VPS13B: variants seen among roughly 807,000 people sequenced by gnomAD.
VPS13B encodes intermembrane lipid transfer protein VPS13B.
In VPS13B, 285 loss-of-function variants were observed where a neutral mutation model predicts 426.4. The ratio of observed to expected loss-of-function variants is 0.67; its 90% CI spans 0.61 to 0.74. The LOEUF (loss-of-function observed/expected upper bound fraction) is 0.74. Ranked by LOEUF, VPS13B falls within the 30% of genes least tolerant of loss-of-function variation. The pLI is 0.00. For synonymous variants in VPS13B, 1,676 were observed against 1,676.4 expected, an observed-to-expected ratio of 1.00 and a Z score of 0.01; for missense variants, 4,537 against 4,782.6, an observed-to-expected ratio of 0.95 and a Z score of 1.51.
chr8:99,506,018 A>G (rs1448649861), intron 27 of VPS13B, among the ~76,000 whole-genome samples: 1 of 152,158 alleles, frequency 6.6e-6, no homozygotes, highest in African/African-American at 2.4e-5. Flanking sequence ...AATCTTACAT[A>G]ATTTATTTTC....
chr8:99,226,368 C>A (rs1816019154), intron 17 of VPS13B, among the ~76,000 whole-genome samples: 1 of 152,118 alleles, frequency 6.6e-6, no homozygotes, highest in South Asian at 2.1e-4. Context: ...TTTAAGTTCC[C>A]AGAGTGTGCT....
chr8:99,575,840 G>A (rs1825749125), intron 32 of VPS13B, 56 bp downstream of exon 32: 3 of 1,564,214 alleles, frequency 1.9e-6, no homozygotes, highest in Non-Finnish European at 2.6e-6. Context: ...GCTCCTCTTT[G>A]TATGTTAGGG....
chr8:99,088,259 A>G (rs1402299286), intron 3 of VPS13B, among the ~76,000 whole-genome samples: 1 of 151,828 alleles, frequency 6.6e-6, no homozygotes, highest in Non-Finnish European at 1.5e-5. Context: ...TCAATTGGTA[A>G]TTTCCTGGGT....
chr8:99,467,088 T>C (rs1333330679), intron 23 of VPS13B, among the ~76,000 whole-genome samples: 1 of 152,204 alleles, frequency 6.6e-6, no homozygotes, highest in Non-Finnish European at 1.5e-5. Flanking sequence ...ATCTGTTTTC[T>C]CTGGCCTCCA....
chr8:99,687,507 G>C (rs79840876), intron 35 of VPS13B, among the ~76,000 whole-genome samples: 6 of 152,094 alleles, frequency 3.9e-5, no homozygotes, highest in Non-Finnish European at 8.8e-5. Flanking sequence ...CAGAACTCAG[G>C]TTCTGCCCAC....
chr8:99,742,236 A>G (rs1220203506), intron 39 of VPS13B, among the ~76,000 whole-genome samples: 2 of 152,242 alleles, frequency 1.3e-5, no homozygotes, highest in Admixed American at 6.5e-5. Context: ...AGAAATGGAT[A>G]AATTCCTCGA....
chr8:99,215,528 A>T (rs147450085), intron 17 of VPS13B, among the ~76,000 whole-genome samples: 1 of 152,210 alleles, frequency 6.6e-6, no homozygotes, highest in Non-Finnish European at 1.5e-5. Flanking sequence ...AAGGATACAT[A>T]CTTGGGTCAT....
intron 12 of VPS13B, among the ~76,000 whole-genome samples, chr8:99,140,259 G>T (rs988164777): frequency 3.3e-5 from 5 of 151,602 alleles, no homozygotes. Context: ...CAGCTACTTG[G>T]GAGGCTGAGG....
chr8:99,761,700 A>C (rs1321185154), intron 39 of VPS13B, among the ~76,000 whole-genome samples: 1 of 152,152 alleles, frequency 6.6e-6, no homozygotes, highest in Non-Finnish European at 1.5e-5. Context: ...ATATTCCGTT[A>C]TTTGTATTAC....
chr8:99,149,819 T>C (rs982257004), intron 14 of VPS13B, among the ~76,000 whole-genome samples: 6 of 152,028 alleles, frequency 3.9e-5, no homozygotes, highest in Non-Finnish European at 8.8e-5. Context: ...TAGATTCTCA[T>C]AGGAGCACAA....
intron 12 of VPS13B, among the ~76,000 whole-genome samples, chr8:99,141,907 G>T (rs1193665246): frequency 6.7e-6 from 1 of 149,014 alleles, no homozygotes; most frequent in Non-Finnish European, 1.5e-5. Context: ...AACAAAATTA[G>T]CCGGGCGTGG....
intron 15 of VPS13B, among the ~76,000 whole-genome samples, chr8:99,157,274 GTTT>G (rs201990551): frequency 8.7e-5 from 12 of 137,606 alleles, no homozygotes; most frequent in African/African-American, 3.0e-4. Flanking sequence ...GTGTGTGTGT[GTTT>G]TTTTTTTTTA....
intron 16 of VPS13B, among the ~76,000 whole-genome samples, chr8:99,191,634 G>A (rs543675734): frequency 2.3e-4 from 35 of 151,714 alleles, no homozygotes; most frequent in Non-Finnish European, 4.4e-4. Context: ...CGCCCGCCTC[G>A]GCCTCCCAGA....
intron 19 of VPS13B, among the ~76,000 whole-genome samples, chr8:99,284,060 A>G (rs1485282789): frequency 6.6e-6 from 1 of 152,204 alleles, no homozygotes; most frequent in Non-Finnish European, 1.5e-5. Flanking sequence ...TTTAATAAAT[A>G]TCTTATTGTA....
At chr8:99,626,743 A>G (rs1421090308) in intron 33 of VPS13B, among the ~76,000 whole-genome samples, 1 of 152,230 alleles carries the variant, frequency 6.6e-6, no homozygotes, top group African/African-American at 2.4e-5. Context: ...AAAATAAACT[A>G]AAAATAGAAC....
chr8:99,727,049 C>T (rs1270128966), intron 39 of VPS13B, among the ~76,000 whole-genome samples: 1 of 152,138 alleles, frequency 6.6e-6, no homozygotes, highest in African/African-American at 2.4e-5. Context: ...TAATTTTACT[C>T]CATGAGGTGG....
At chr8:99,697,558 C>T (rs921900512) in intron 35 of VPS13B, 8 of 698,430 alleles carry the variant, frequency 1.1e-5, no homozygotes, top group South Asian at 8.3e-5. Flanking sequence ...AGGACTACAG[C>T]GAGAACATGC....
intron 29 of VPS13B, among the ~76,000 whole-genome samples, chr8:99,517,532 A>G (rs1479130183): frequency 6.6e-6 from 1 of 152,172 alleles, no homozygotes; most frequent in African/African-American, 2.4e-5. Context: ...ACATTCTACT[A>G]TTTTATTTAG....
At chr8:99,111,399 G>C (rs1847359020) in intron 6 of VPS13B, 120 bp downstream of exon 6, 2 of 748,854 alleles carry the variant, frequency 2.7e-6, no homozygotes, top group South Asian at 2.5e-5. Flanking sequence ...TATGCCATTT[G>C]TTTTTATAAA....
Sources: allele counts gnomAD v4.1 joint callset (sites outside exome capture counted in the v4.1 genomes callset), GRCh38; gene constraint gnomAD v4.1.1; transcripts MANE v1.5; gene names NCBI Gene and HGNC (gene_info 2026-07-23, HGNC 2026-07-21).